Variants in MOV10 observed in about 807,000 individuals in gnomAD.
MOV10 encodes RNA helicase MOV-10.
MOV10 carries 39 observed loss-of-function variants against 108.4 expected under a neutral mutation model. The ratio of observed to expected loss-of-function variants is 0.36; its 90% CI spans 0.28 to 0.47. The LOEUF (loss-of-function observed/expected upper bound fraction) is 0.47, where lower values mean the gene tolerates loss of function less well. MOV10 is among the 20% of genes least tolerant of loss of function. MOV10 has a pLI of 1.00. For synonymous variants in MOV10, 490 were observed against 523.1 expected (o/e 0.94, Z 0.86); for missense variants, 952 against 1,297.6 (o/e 0.73, Z 4.09).
chr1:112,699,393 A>C (rs906836438), intron 17 of MOV10: 1 of 1,096,398 alleles, frequency 9.1e-7, no homozygotes, highest in Non-Finnish European at 1.2e-6. Context: ...GATTGTTTTC[A>C]GGAAAGTTTG....
chr1:112,698,429 C>G lies in MOV10; in HGVS notation c.2459C>G (p.Ala820Gly), dbSNP rs768283807. ...GCCCCCTCCTCCAAGAAGGGCAAAG[C>G]TCGCCTGAGCCCTCGAAGTGTGGGC... ...LLAPSSKKGK[A>G]RLSPRSVGVI... The change falls in exon 16 of 21, where the codon GCT (alanine) becomes GGT (glycine). Residue 820 changes from alanine to glycine, a missense_variant. By Grantham distance (60) the Ala-to-Gly change is moderately conservative (BLOSUM62 0). Around this residue, in one of 5 missense-constraint regions of MOV10, gnomAD observed 453 missense variants for 611.5 expected, o/e 0.74. Coordinates refer to ENST00000369645, the MANE Select transcript of MOV10 (RefSeq NM_001321324.2). 2 of 1,614,198 alleles carry G rather than the reference C, an allele frequency of 1.2e-6. No individual in the cohort carries two copies. Among genetic ancestry groups the G allele is most frequent in the Non-Finnish European group, 1.7e-6 (2 of 1,180,024 alleles).
Position 112,694,425 on chromosome 1 carries a change from A to G in MOV10, c.1296-28A>G, listed in dbSNP as rs1309003981. On this transcript the variant is annotated intron_variant, in intron 8 of 20. Coordinates refer to ENST00000369645, the MANE Select transcript of MOV10 (RefSeq NM_001321324.2). This position sits in a 1 kb window ranked among gnomAD's most constrained non-coding sequence, Gnocchi z 4.1. ...ATTGCCCACCTCCCCTGCCCCAACA[A>G]ACTCTTACCACCTCTCTCTGCCCAA... 1 of 1,613,300 alleles carries G rather than the reference A, an allele frequency of 6.2e-7. No homozygotes were observed. Among genetic ancestry groups the G allele is most frequent in the African/African-American group, 1.3e-5 (1 of 74,860 alleles).
chr1:112,699,356 G>A (rs1674418695), intron 17 of MOV10: 2 of 701,332 alleles, frequency 2.9e-6, no homozygotes, highest in Non-Finnish European at 3.8e-6. Context: ...AGGGCCCAGG[G>A]TTGTATATTC....
At chr1:112,684,837 A>C in intron 2 of MOV10, among the ~76,000 whole-genome samples, 1 of 152,142 alleles carries the variant, frequency 6.6e-6, no homozygotes, top group Non-Finnish European at 1.5e-5. Flanking sequence ...CTGTTCTTTT[A>C]ATTGAATATT....
chr1:112,681,500 C>G (rs2101276202), intron 2 of MOV10, among the ~76,000 whole-genome samples: 1 of 152,052 alleles, frequency 6.6e-6, no homozygotes, highest in South Asian at 2.1e-4. Flanking sequence ...TCAAAAGAAT[C>G]ATGTTATTCA....
chr1:112,697,970 G>T, intron 14 of MOV10, 24 bp from the exon 15 acceptor site: 1 of 1,599,672 alleles, frequency 6.3e-7, no homozygotes. Context: ...CCTTGGTCTT[G>T]CTTTTCCTCC....
At chr1:112,688,232 G>T in intron 2 of MOV10, 1 of 424,628 alleles carries the variant, frequency 2.4e-6, no homozygotes, top group Non-Finnish European at 3.1e-6. Flanking sequence ...ACAGGCCTCC[G>T]TAAGTGTTTG....
At chr1:112,687,084 G>A (rs1444439481) in intron 2 of MOV10, 5 of 455,412 alleles carry the variant, frequency 1.1e-5, no homozygotes, top group Non-Finnish European at 1.8e-5. Context: ...TAACCACAGT[G>A]TAGCCTCTGA....
rs548017339 is a variant in MOV10 at position 112,674,872 on chromosome 1, T to A, written c.-41T>A. 6.6e-7 allele frequency: 1 copy of A among 1,518,464 alleles called. No homozygotes were observed. The highest frequency in any genetic ancestry group is 1.2e-5 in the South Asian group (1 of 80,604). 94.1% of individuals were successfully genotyped at this position (1,518,464 alleles called of 1,614,324 possible). On this transcript the variant is annotated 5_prime_UTR_variant, in exon 2 of 21. Coordinates refer to ENST00000369645, the MANE Select transcript of MOV10 (RefSeq NM_001321324.2). ...GCTGCAGCGGCGACTTTCAGTTTCATTTCCACGGACCCTCCTGCCTGGGCC... is the reference window on the plus strand; with the variant it reads ...GCTGCAGCGGCGACTTTCAGTTTCAATTCCACGGACCCTCCTGCCTGGGCC...
At chr1:112,698,573 G>A in intron 16 of MOV10, 95 bp downstream of exon 16, 1 of 1,456,640 alleles carries the variant, frequency 6.9e-7, no homozygotes, top group East Asian at 2.3e-5. Context: ...AGGAGCTTAG[G>A]CCTCTGCTGG....
chr1:112,699,123 T>G lies in MOV10; in HGVS notation c.2583+334T>G, dbSNP rs1570814516. ...CCCAGTAGCCTCTCTCTTAAGGTTCTGGTCTCAACACTGGCTGCAGATAAC... is the reference window on the plus strand; with the variant it reads ...CCCAGTAGCCTCTCTCTTAAGGTTCGGGTCTCAACACTGGCTGCAGATAAC... On this transcript the variant is annotated intron_variant, in intron 17 of 20. Transcript: ENST00000369645. 6 of 304,746 alleles carry G rather than the reference T, an allele frequency of 2.0e-5. No individual in the cohort carries two copies. The East Asian group carries it at 4.4e-4, about 22-fold the overall frequency. The allele number at this position is 304,746 out of a possible 1,614,324, so 18.9% of individuals were successfully genotyped here.
In MOV10 at chr1:112,699,890, C is replaced by A; in HGVS notation, c.2710-4C>A. On this transcript the variant is annotated splice_region_variant and splice_polypyrimidine_tract_variant and intron_variant, in intron 18 of 20. Coordinates refer to ENST00000369645, the MANE Select transcript of MOV10 (RefSeq NM_001321324.2). ...CCCATGACCACACCACTTCTTCCTT[C>A]CAGAGGTTCAATGTAGCTGTGACCC... The A allele has an allele frequency of 6.2e-7, 1 of 1,614,190 alleles. No individual in the cohort carries two copies. The highest frequency in any genetic ancestry group is 1.1e-5 in the South Asian group (1 of 91,088).
intron 2 of MOV10, among the ~76,000 whole-genome samples, chr1:112,687,553 G>A (rs546851818): frequency 2.0e-5 from 3 of 152,350 alleles, no homozygotes; most frequent in South Asian, 2.1e-4. Flanking sequence ...CGGGGAAAAC[G>A]ACTGCAGACA....
At chr1:112,676,152 G>T (rs139816197) in intron 2 of MOV10, among the ~76,000 whole-genome samples, 2 of 152,198 alleles carry the variant, frequency 1.3e-5, no homozygotes, top group African/African-American at 4.8e-5. Context: ...AGATGATGAG[G>T]CCCTGTTTTA....
Position 112,695,577 on chromosome 1 carries a change from A to C in MOV10, c.1779+3A>C. 1 of 1,613,350 alleles carries C rather than the reference A, an allele frequency of 6.2e-7. No homozygotes were observed. Among genetic ancestry groups the C allele is most frequent in the Non-Finnish European group, 8.5e-7 (1 of 1,179,730 alleles). On this transcript the variant is annotated splice_donor_region_variant and intron_variant, in intron 11 of 20. Transcript: ENST00000369645. ...GCATGGTACCTGAGGACATCAAGGT[A>C]CTAGGGAAGTGCAGAGGGCCAAAGA...
chr1:112,700,716 A>G lies in MOV10; in HGVS notation c.*209A>G, dbSNP rs1674579124. On this transcript the variant is annotated 3_prime_UTR_variant, in exon 21 of 21. Coordinates refer to ENST00000369645, the MANE Select transcript of MOV10 (RefSeq NM_001321324.2). ...GAAGGGGAAGGAAGAAAACTCTGAA[A>G]ACAAAATCTTGTTCTATGCAAAAGC... 5.9e-6 allele frequency: 9 copies of G among 1,519,072 alleles called. No homozygotes were observed. The highest frequency in any genetic ancestry group is 7.9e-6 in the Non-Finnish European group (9 of 1,140,346). The allele number at this position is 1,519,072 out of a possible 1,614,324, so 94.1% of individuals were successfully genotyped here. A position where few individuals can be genotyped will look rare whatever the true frequency, so the allele number is the denominator to read the frequency against.
At chr1:112,686,037 C>A (rs967505877) in intron 2 of MOV10, among the ~76,000 whole-genome samples, 3 of 152,168 alleles carry the variant, frequency 2.0e-5, no homozygotes, top group African/African-American at 7.2e-5. Context: ...TGGCCCCGTT[C>A]GAAGATAAGC....
rs1015421090 is a variant in MOV10 at position 112,694,206 on chromosome 1, G to C, written c.1295+34G>C. 3 of 1,612,984 alleles carry C rather than the reference G, an allele frequency of 1.9e-6. No individual in the cohort carries two copies. The highest frequency in any genetic ancestry group is 1.7e-5 in the Admixed American group (1 of 59,972). ...TGGGGGAACCCTGAGCTGCTGGAAGGGTCTACAGACTTCTGACCCCAGGGG... is the reference window on the plus strand; with the variant it reads ...TGGGGGAACCCTGAGCTGCTGGAAGCGTCTACAGACTTCTGACCCCAGGGG... On this transcript the variant is annotated intron_variant, in intron 8 of 20. Transcript: ENST00000369645. This position sits in a 1 kb window ranked among gnomAD's most constrained non-coding sequence, Gnocchi z 4.1.
At position 112,698,542 on chromosome 1, in the gene MOV10, A is replaced by G. The variant is rs1051327356; in HGVS notation, c.2508+64A>G. 91 of 1,549,366 alleles carry G rather than the reference A, an allele frequency of 5.9e-5. No individual in the cohort carries two copies. In the South Asian group the frequency reaches 6.0e-4, roughly 10 times the overall value. Reference sequence around the variant, plus strand: ...CCCAGATGGTACCTCCTTAATATCCAGACCACTAGGCAGAGGCTCCAGGAG... The same window carrying G: ...CCCAGATGGTACCTCCTTAATATCCGGACCACTAGGCAGAGGCTCCAGGAG... On this transcript the variant is annotated intron_variant, in intron 16 of 20. Coordinates refer to ENST00000369645, the MANE Select transcript of MOV10 (RefSeq NM_001321324.2).
Sources: allele counts gnomAD v4.1 joint callset (sites outside exome capture counted in the v4.1 genomes callset), GRCh38; gene constraint gnomAD v4.1.1; regional missense constraint gnomAD v4.1.1; non-coding constraint Gnocchi (gnomAD v3.1); transcripts MANE v1.5; gene names NCBI Gene and HGNC (gene_info 2026-07-23, HGNC 2026-07-21).